STK32C: variants seen among roughly 807,000 people sequenced by gnomAD.
STK32C encodes the protein serine/threonine kinase 32C.
In STK32C, 31 loss-of-function variants were observed where a neutral mutation model predicts 56.5. The ratio of observed to expected loss-of-function variants is 0.55; its 90% CI spans 0.41 to 0.74. The LOEUF (loss-of-function observed/expected upper bound fraction) is 0.74. STK32C is among the 30% of genes least tolerant of loss of function. The pLI, the probability that STK32C is intolerant of heterozygous loss-of-function variation, is 0.00. For missense variants in STK32C, 544 were observed against 676.9 expected (o/e 0.80, Z 2.18); for synonymous variants, 309 against 289.4 (o/e 1.07, Z -0.69).
chr10:132,298,811 G>A (rs552844770), intron 1 of STK32C, among the ~76,000 whole-genome samples: 2 of 152,262 alleles, frequency 1.3e-5, no homozygotes, highest in East Asian at 3.9e-4. Context: ...CCTGGAAGTG[G>A]TCGCTCCAGT....
upstream of STK32C, among the ~76,000 whole-genome samples, chr10:132,308,869 C>A (rs977664708): frequency 6.6e-6 from 1 of 152,220 alleles, no homozygotes; most frequent in Non-Finnish European, 1.5e-5. Flanking sequence ...CCTTGGAGTG[C>A]CCTGGAGAAG....
intron 1 of STK32C, among the ~76,000 whole-genome samples, chr10:132,267,743 G>A (rs2064614191): frequency 7.3e-6 from 1 of 137,638 alleles, no homozygotes; most frequent in Non-Finnish European, 1.6e-5. Context: ...TCGTGTGTGT[G>A]TGTGTCGGTG....
chr10:132,269,232 T>G lies in STK32C; in HGVS notation c.263-23277A>C, dbSNP rs1001058454. Among the ~76,000 whole-genome samples the G allele has an allele frequency of 7.1e-4, 86 of 120,822 alleles. 1 individual carries two copies. Among genetic ancestry groups the G allele is most frequent in the Non-Finnish European group, 1.4e-3 (79 of 56,556 alleles). The allele number at this position is 120,822 out of a possible 152,430, so 79.3% of individuals were successfully genotyped here. ...GTGCCTGTGGGTGCAGCTCTGTGCATGTGTCTGTGTCTCCGTGCATGTGTG... is the reference window on the plus strand; with the variant it reads ...GTGCCTGTGGGTGCAGCTCTGTGCAGGTGTCTGTGTCTCCGTGCATGTGTG... On this transcript the variant is annotated intron_variant, in intron 1 of 11. Coordinates refer to ENST00000298630, the MANE Select transcript of STK32C (RefSeq NM_173575.4).
chr10:132,271,831 C>T (rs533892643), intron 1 of STK32C, among the ~76,000 whole-genome samples: 4 of 152,344 alleles, frequency 2.6e-5, no homozygotes, highest in South Asian at 4.1e-4. Context: ...GAGACTCCTG[C>T]GGCCTCCTGG....
intron 10 of STK32C, among the ~76,000 whole-genome samples, chr10:132,211,480 C>A (rs2062297318): frequency 6.6e-6 from 1 of 152,230 alleles, no homozygotes; most frequent in East Asian, 1.9e-4. Context: ...TGCTCCAGAA[C>A]CATCTGGAAG....
intron 1 of STK32C, among the ~76,000 whole-genome samples, chr10:132,328,844 GCT>G (rs2066563739): frequency 6.6e-6 from 1 of 152,266 alleles, no homozygotes; most frequent in Admixed American, 6.5e-5. Context: ...CCAGCCTCTT[GCT>G]GGCTCCAGGA....
Position 132,307,843 on chromosome 10 carries a change from TG to T in STK32C, c.-11del. On this transcript the variant is annotated 5_prime_UTR_variant, in exon 1 of 12. Transcript: ENST00000298630. The surrounding 1 kb of genome is among the most constrained non-coding windows in gnomAD (Gnocchi z 4.4). ...CGGCGCCACTCCTCATCGCCGGGTC[TG>T]GGTGCGCGCGGCAGCCGGAACTCGG... 1 of 1,137,804 alleles carries T rather than the reference TG, an allele frequency of 8.8e-7. No homozygotes were observed. Among genetic ancestry groups the T allele is most frequent in the Non-Finnish European group, 1.1e-6 (1 of 921,558 alleles). 70.5% of individuals were successfully genotyped at this position (1,137,804 alleles called of 1,614,324 possible).
chr10:132,292,125 A>C (rs2065584395), intron 1 of STK32C, among the ~76,000 whole-genome samples: 1 of 151,956 alleles, frequency 6.6e-6, no homozygotes, highest in African/African-American at 2.4e-5. Context: ...CACTTCAGCT[A>C]CTCTCTAAAG....
intron 8 of STK32C, among the ~76,000 whole-genome samples, chr10:132,223,293 C>T (rs957605530): frequency 3.9e-5 from 6 of 152,180 alleles, no homozygotes; most frequent in East Asian, 1.9e-4. Context: ...AGGTGGCAGC[C>T]GAGGCCCGGC....
intron 10 of STK32C, among the ~76,000 whole-genome samples, chr10:132,218,599 AGGG>A (rs1044080461): frequency 6.6e-6 from 1 of 152,220 alleles, no homozygotes; most frequent in Non-Finnish European, 1.5e-5. Context: ...CACTGCTGGT[AGGG>A]GCATAAAATG....
intron 1 of STK32C, among the ~76,000 whole-genome samples, chr10:132,318,040 AGG>A (rs1264957273): frequency 8.8e-4 from 132 of 149,586 alleles, no homozygotes; most frequent in African/African-American, 3.2e-3. Context: ...GAGGCCAAGG[AGG>A]GTGGATCACA....
chr10:132,208,033 A>G lies in STK32C; in HGVS notation c.1438T>C (p.Cys480Arg). The change falls in exon 12 of 12, where the codon TGC becomes CGC. Residue 480 changes from cysteine (C) to arginine (R), a missense_variant. By Grantham distance (180) the Cys-to-Arg change is radical (BLOSUM62 -3). Around this residue, in one of 3 missense-constraint regions of STK32C, gnomAD observed 277 missense variants for 309.3 expected, o/e 0.90. Transcript: ENST00000298630. ...GCCTAGCCGCTCCCGGCCGAGGGGC[A>G]AATGGGGCCGCACATGGGCAGGGCG... ...RSALPMCGPI[C>R]PSAGSG is the part of the protein sequence containing the mutation. 1 of 1,310,770 alleles carries G rather than the reference A, an allele frequency of 7.6e-7. No homozygotes were observed. 81.2% of individuals were successfully genotyped at this position (1,310,770 alleles called of 1,614,324 possible).
chr10:132,293,901 T>C (rs373441989), intron 1 of STK32C, among the ~76,000 whole-genome samples: 7 of 151,582 alleles, frequency 4.6e-5, no homozygotes, highest in Admixed American at 1.3e-4. Context: ...CTTCAGAGGG[T>C]AGAGCCAAGA....
rs543788444 is a variant in STK32C, at chr10:132,303,285, G to A, written c.262+4287C>T. On this transcript the variant is annotated intron_variant, in intron 1 of 11. Transcript: ENST00000298630. ...CGTCAAGCGATACTCCCTACGGGCT[G>A]CAATTTCCAACGCAAAAAGTGAAAC... Among the ~76,000 whole-genome samples, 267 of 152,356 alleles carry A rather than the reference G, an allele frequency of 1.8e-3. 2 individuals are homozygous for A. The highest frequency in any genetic ancestry group is 6.3e-3 in the African/African-American group (260 of 41,582).
Position 132,225,373 on chromosome 10 carries a change from G to A in STK32C, c.773-37C>T, listed in dbSNP as rs2062851365. 5 of 1,593,896 alleles carry A rather than the reference G, an allele frequency of 3.1e-6. No homozygotes were observed. The Admixed American group carries it at 8.8e-5, about 28-fold the overall frequency. On this transcript the variant is annotated intron_variant, in intron 6 of 11. Transcript: ENST00000298630. The stretch of plus-strand genomic sequence containing the variant: ...AAAGAAGGAAAAACAGCTGCCACGG[G>A]GTCACAGCCCGGACCCGTGGGCACA...
chr10:132,256,529 G>A (rs746171246), intron 1 of STK32C, among the ~76,000 whole-genome samples: 19 of 152,204 alleles, frequency 1.2e-4, no homozygotes, highest in Non-Finnish European at 2.4e-4. Flanking sequence ...ATCTCCGGGT[G>A]GCAGAGGCTC....
intron 1 of STK32C, among the ~76,000 whole-genome samples, chr10:132,317,000 C>T (rs1474603322): frequency 1.2e-5 from 1 of 81,746 alleles, no homozygotes; most frequent in Non-Finnish European, 2.3e-5. Context: ...GACTCCATCT[C>T]AAAAAAAAAA....
exon 1 of STK32C, chr10:132,331,799 C>G: frequency 6.3e-7 from 1 of 1,598,984 alleles, no homozygotes; most frequent in South Asian, 1.1e-5. Context: ...GCGGTCTCTA[C>G]TTGCCCGTCG....
chr10:132,274,542 C>G (rs2064939194), intron 1 of STK32C, among the ~76,000 whole-genome samples: 1 of 152,226 alleles, frequency 6.6e-6, no homozygotes, highest in African/African-American at 2.4e-5. Context: ...GTGGAGGCTG[C>G]ACCGCCCGCT....
Sources: allele counts gnomAD v4.1 joint callset (sites outside exome capture counted in the v4.1 genomes callset), GRCh38; gene constraint gnomAD v4.1.1; regional missense constraint gnomAD v4.1.1; non-coding constraint Gnocchi (gnomAD v3.1); transcripts MANE v1.5; gene names NCBI Gene and HGNC (gene_info 2026-07-23, HGNC 2026-07-21).